The following PGAP4 variants were observed in gnomAD, a reference collection of about 807,000 sequenced individuals.
PGAP4 encodes the protein GPI-N-acetylgalactosamine transferase PGAP4.
Under a neutral mutation model 28.2 loss-of-function variants are expected in PGAP4, and 12 were observed. That is an observed-to-expected ratio of 0.42 (90% CI 0.27 to 0.69). The LOEUF is 0.69. Among genes scored for constraint, PGAP4 ranks in the 30% least tolerant of loss-of-function variants. The pLI, the probability that PGAP4 is intolerant of heterozygous loss-of-function variation, is 0.22. For synonymous variants in PGAP4, 205 were observed against 211.8 expected, an observed-to-expected ratio of 0.97 and a Z score of 0.28; for missense variants, 425 against 513.5, an observed-to-expected ratio of 0.83 and a Z score of 1.67.
intron 2 of PGAP4, chr9:101,501,900 C>T (rs1188068426): frequency 7.5e-6 from 3 of 401,976 alleles, no homozygotes; most frequent in Non-Finnish European, 1.5e-5. Flanking sequence ...GCGGCAGAGG[C>T]CTCCGATTGG....
At position 101,476,758 on chromosome 9, in the gene PGAP4, T is replaced by G. The variant is rs760673289; in HGVS notation, c.335A>C (p.Gln112Pro). The G allele has an allele frequency of 1.1e-5, 18 of 1,613,662 alleles. No homozygotes were observed. The highest frequency in any genetic ancestry group is 1.4e-5 in the Non-Finnish European group (17 of 1,179,664). Residue 112 changes from glutamine (Q) to proline (P), a missense_variant, in exon 2 of 2, where the codon CAG (glutamine) becomes CCG (proline). Physicochemically the swap from Gln to Pro is moderately conservative, Grantham distance 76. Coordinates refer to ENST00000374848, the MANE Select transcript of PGAP4 (RefSeq NM_032342.3). This position sits in a 1 kb window ranked among gnomAD's most constrained non-coding sequence, Gnocchi z 7.0. Reference sequence around the variant, plus strand: ...CTGCAGGACGTAGTGGAAGCCAGGCTGCCTGTCCACAGTGATGATGGTGAT... The same window carrying G: ...CTGCAGGACGTAGTGGAAGCCAGGCGGCCTGTCCACAGTGATGATGGTGAT... The part of the protein sequence containing the change: ...LVITIITVDR[Q>P]PGFHYVLQVV...
intron 1 of PGAP4, among the ~76,000 whole-genome samples, chr9:101,482,442 G>A (rs73657949): frequency 0.02 from 3,003 of 152,254 alleles, 93 homozygotes; most frequent in African/African-American, 0.069. Flanking sequence ...AGACTGTGAC[G>A]ATGAAGAGAC....
At chr9:101,513,766 A>T (rs1219507829) in intron 2 of PGAP4, among the ~76,000 whole-genome samples, 1 of 152,132 alleles carries the variant, frequency 6.6e-6, no homozygotes, top group Non-Finnish European at 1.5e-5. Context: ...GTCTCACAAC[A>T]GGCTCTCTGC....
At chr9:101,478,981 CA>C (rs761713350) in intron 1 of PGAP4, among the ~76,000 whole-genome samples, 15 of 152,276 alleles carry the variant, frequency 9.9e-5, no homozygotes, top group African/African-American at 1.7e-4. Flanking sequence ...AGTAGAGAAA[CA>C]AGTTTCATTT....
chr9:101,485,091 T>C (rs949952339), intron 1 of PGAP4, among the ~76,000 whole-genome samples: 1 of 151,852 alleles, frequency 6.6e-6, no homozygotes. Context: ...TAAGTTGCTA[T>C]AGCTATAATA....
chr9:101,477,014 G>C lies in PGAP4; in HGVS notation c.79C>G (p.Leu27Val). Reference protein sequence around the residue: ...RLSWGSTAVQLFILTVVTFGL... With the variant: ...RLSWGSTAVQVFILTVVTFGL... ...AACGTCACCACTGTTAGGATGAAGA[G>C]CTGGACAGCAGTGCTGCCCCAGGAG... The change falls in exon 2 of 2, where the codon CTC (leucine) becomes GTC (valine). Residue 27 changes from leucine (L) to valine (V), a missense_variant. Leu to Val is a conservative substitution (Grantham distance 32). Coordinates refer to ENST00000374848, the MANE Select transcript of PGAP4 (RefSeq NM_032342.3). The C allele has an allele frequency of 6.2e-7, 1 of 1,613,716 alleles. No homozygotes were observed. The highest frequency in any genetic ancestry group is 8.5e-7 in the Non-Finnish European group (1 of 1,179,970).
At chr9:101,496,357 C>T (rs1220627493) in intron 2 of PGAP4, among the ~76,000 whole-genome samples, 1 of 151,072 alleles carries the variant, frequency 6.6e-6, no homozygotes, top group Non-Finnish European at 1.5e-5. Flanking sequence ...GCAGCGAAGT[C>T]CAGCAAAAGT....
chr9:101,496,017 T>C (rs746644148), intron 2 of PGAP4, among the ~76,000 whole-genome samples: 11 of 151,448 alleles, frequency 7.3e-5, no homozygotes, highest in East Asian at 1.9e-4. Context: ...TATAGAGGAA[T>C]GTAAACAGGA....
At chr9:101,526,430 CT>C (rs1338033659) in intron 2 of PGAP4, among the ~76,000 whole-genome samples, 1 of 152,086 alleles carries the variant, frequency 6.6e-6, no homozygotes, top group Admixed American at 6.6e-5. Context: ...GCATCCAGTA[CT>C]TTTATTTTTT....
At chr9:101,521,506 T>C (rs1826988274) in intron 2 of PGAP4, among the ~76,000 whole-genome samples, 2 of 152,202 alleles carry the variant, frequency 1.3e-5, no homozygotes, top group South Asian at 4.1e-4. Context: ...CATAAAGGTG[T>C]TCATAGTAGC....
chr9:101,487,181 C>A (rs143023720), upstream of PGAP4: 1 of 152,218 alleles, frequency 6.6e-6, no homozygotes, highest in Admixed American at 6.5e-5. Context: ...GAGACCGCGG[C>A]CCCCAAAGCG....
chr9:101,494,980 A>G (rs1342810967), intron 2 of PGAP4, among the ~76,000 whole-genome samples: 1 of 149,144 alleles, frequency 6.7e-6, no homozygotes, highest in Non-Finnish European at 1.5e-5. Flanking sequence ...ACAAATTATC[A>G]CTGATAACAT....
At chr9:101,525,937 G>A (rs1219333240) in intron 2 of PGAP4, among the ~76,000 whole-genome samples, 1 of 151,256 alleles carries the variant, frequency 6.6e-6, no homozygotes, top group East Asian at 2.0e-4. Flanking sequence ...AAACATTTTT[G>A]TACAGTCATA....
rs887513771 is a variant in PGAP4 at position 101,473,906 on chromosome 9, T to C, written c.*1975A>G. On this transcript the variant is annotated 3_prime_UTR_variant, in exon 2 of 2. Transcript: ENST00000374848. ...GGGATCTGAACATTGTAATAAGTCATCTAGTAGCTCTGATCACTTTGGACA... is the reference window on the plus strand; with the variant it reads ...GGGATCTGAACATTGTAATAAGTCACCTAGTAGCTCTGATCACTTTGGACA... 2 of 152,144 alleles carry C rather than the reference T, an allele frequency of 1.3e-5. No individual in the cohort carries two copies. The highest frequency in any genetic ancestry group is 2.9e-5 in the Non-Finnish European group (2 of 68,060). The allele number at this position is 152,144 out of a possible 1,614,324, so 9.4% of individuals were successfully genotyped here. A position where few individuals can be genotyped will look rare whatever the true frequency, so the allele number is the denominator to read the frequency against.
At chr9:101,491,317 T>C (rs906342339), upstream of PGAP4, among the ~76,000 whole-genome samples, 2 of 152,166 alleles carry the variant, frequency 1.3e-5, no homozygotes, top group African/African-American at 4.8e-5. Flanking sequence ...ATAACCAACC[T>C]GGCACCAGCT....
intron 1 of PGAP4, among the ~76,000 whole-genome samples, chr9:101,478,336 A>G (rs1383318693): frequency 2.6e-5 from 4 of 152,246 alleles, no homozygotes; most frequent in African/African-American, 4.8e-5. Flanking sequence ...AGTAAGGTCA[A>G]TGCAAAACTA....
At chr9:101,498,892 C>G (rs1826774459) in intron 2 of PGAP4, among the ~76,000 whole-genome samples, 1 of 151,776 alleles carries the variant, frequency 6.6e-6, no homozygotes, top group Admixed American at 6.6e-5. Flanking sequence ...TTATTTTTTT[C>G]TTCCCAGAAG....
intron 2 of PGAP4, chr9:101,501,894 C>T (rs1459382997): frequency 2.4e-6 from 1 of 410,860 alleles, no homozygotes; most frequent in Non-Finnish European, 4.8e-6. Context: ...ATGTTTGCGG[C>T]AGAGGCCTCC....
intron 2 of PGAP4, among the ~76,000 whole-genome samples, chr9:101,498,616 C>G (rs1826772407): frequency 1.3e-5 from 2 of 151,472 alleles, no homozygotes; most frequent in Admixed American, 1.3e-4. Flanking sequence ...AATAGAGAGA[C>G]ATAGAACTTA....
Sources: gnomAD v4.1 joint callset for allele counts (sites outside exome capture counted in the v4.1 genomes callset) on GRCh38, gnomAD v4.1.1 for gene constraint, Gnocchi (gnomAD v3.1) non-coding constraint, MANE v1.5 for transcripts, NCBI Gene and HGNC (gene_info 2026-07-23, HGNC 2026-07-21) for gene names.